MAP3K20: variants seen among roughly 807,000 people sequenced by gnomAD.
MAP3K20 encodes the protein HCCS-4.
Under a neutral mutation model 85.7 loss-of-function variants are expected in MAP3K20, and 40 were observed. The ratio of observed to expected loss-of-function variants is 0.47; its 90% CI spans 0.36 to 0.61. MAP3K20 has a LOEUF of 0.61. Ranked by LOEUF, MAP3K20 falls within the 20% of genes least tolerant of loss-of-function variation. The pLI is 0.00. For missense variants in MAP3K20, 817 were observed against 961.7 expected, an observed-to-expected ratio of 0.85 and a Z score of 1.99; for synonymous variants, 325 against 327.7, an observed-to-expected ratio of 0.99 and a Z score of 0.09.
chr2:173,087,486 T>C (rs1007090395), intron 1 of MAP3K20, among the ~76,000 whole-genome samples: 2 of 152,226 alleles, frequency 1.3e-5, no homozygotes, highest in Admixed American at 1.3e-4. Flanking sequence ...GAAACTTTCT[T>C]GGAATTAGAA....
intron 2 of MAP3K20, among the ~76,000 whole-genome samples, chr2:173,121,678 C>T (rs922291825): frequency 1.3e-5 from 2 of 152,126 alleles, no homozygotes; most frequent in Non-Finnish European, 2.9e-5. Flanking sequence ...TGAGCCACCG[C>T]GCCCGGCTGG....
intron 2 of MAP3K20, 61 bp downstream of exon 2, chr2:173,091,251 C>T: frequency 6.4e-7 from 1 of 1,559,738 alleles, no homozygotes; most frequent in Non-Finnish European, 8.7e-7. Context: ...CTTTTTCAAC[C>T]TCGAGTTAGA....
At chr2:173,216,237 G>A (rs1288324284) in intron 10 of MAP3K20, among the ~76,000 whole-genome samples, 1 of 152,212 alleles carries the variant, frequency 6.6e-6, no homozygotes, top group Non-Finnish European at 1.5e-5. Context: ...TCCACTTTCT[G>A]TGAAGAACAG....
chr2:173,156,256 A>G (rs1689465171), intron 2 of MAP3K20, among the ~76,000 whole-genome samples: 3 of 152,192 alleles, frequency 2.0e-5, no homozygotes, highest in Non-Finnish European at 4.4e-5. Flanking sequence ...ATAAAACTCT[A>G]TCTTGTTTAA....
At chr2:173,226,312 TTC>T (rs1340214360) in intron 11 of MAP3K20, 3 of 984,792 alleles carry the variant, frequency 3.0e-6, no homozygotes, top group Non-Finnish European at 3.6e-6. Flanking sequence ...TTAAAACTTA[TTC>T]TGAGTTAAAT....
chr2:173,108,374 G>A (rs1257448641), intron 2 of MAP3K20, among the ~76,000 whole-genome samples: 1 of 152,060 alleles, frequency 6.6e-6, no homozygotes, highest in South Asian at 2.1e-4. Context: ...CAGGTGATCC[G>A]CCCGCCTCGG....
At chr2:173,165,208 A>G (rs1270142807) in intron 2 of MAP3K20, among the ~76,000 whole-genome samples, 1 of 152,024 alleles carries the variant, frequency 6.6e-6, no homozygotes, top group African/African-American at 2.4e-5. Flanking sequence ...CAGGAGTTCG[A>G]GACCAGCCTG....
chr2:173,221,918 CTT>C lies in MAP3K20; in HGVS notation c.987+4669_987+4670del, dbSNP rs1227940030. 1.9e-5 allele frequency: 19 copies of C among 989,542 alleles called. No individual in the cohort carries two copies. In the South Asian group the frequency reaches 2.3e-4, roughly 12 times the overall value. The allele number at this position is 989,542 out of a possible 1,614,324, so 61.3% of individuals were successfully genotyped here. On this transcript the variant is annotated intron_variant, in intron 11 of 19. Transcript: ENST00000375213. The stretch of plus-strand genomic sequence containing the variant: ...AAAACTTACATTTTGAACAAACACT[CTT>C]AACTCCTAATTGTTCTTTGACACGT...
chr2:173,174,504 G>C (rs1690098110), intron 3 of MAP3K20, among the ~76,000 whole-genome samples: 1 of 152,168 alleles, frequency 6.6e-6, no homozygotes, highest in African/African-American at 2.4e-5. Context: ...GATGGTTTCA[G>C]TTTCATCCAT....
At chr2:173,182,153 G>A (rs1690350087) in intron 3 of MAP3K20, among the ~76,000 whole-genome samples, 1 of 152,124 alleles carries the variant, frequency 6.6e-6, no homozygotes, top group Non-Finnish European at 1.5e-5. Flanking sequence ...GTATGATTCT[G>A]TTTATATGAA....
chr2:173,239,556 T>C (rs779967397), intron 16 of MAP3K20, 60 bp downstream of exon 16: 33 of 1,485,428 alleles, frequency 2.2e-5, no homozygotes, highest in Non-Finnish European at 3.0e-5. Flanking sequence ...TTTTCTCTTC[T>C]GTAACTCCAT....
chr2:173,129,208 G>A (rs747363547), intron 2 of MAP3K20, among the ~76,000 whole-genome samples: 14 of 152,082 alleles, frequency 9.2e-5, no homozygotes, highest in South Asian at 2.1e-4. Flanking sequence ...GAGCCACCGC[G>A]CCCAGCCAAT....
chr2:173,174,569 T>G (rs933401514), intron 3 of MAP3K20, among the ~76,000 whole-genome samples: 1 of 152,142 alleles, frequency 6.6e-6, no homozygotes, highest in Admixed American at 6.5e-5. Context: ...GTATTCCATG[T>G]TGTATATGTG....
At chr2:173,093,152 G>A (rs1395083507) in intron 2 of MAP3K20, among the ~76,000 whole-genome samples, 1 of 152,152 alleles carries the variant, frequency 6.6e-6, no homozygotes, top group Non-Finnish European at 1.5e-5. Flanking sequence ...TTACTAGCAA[G>A]GAAATATACA....
intron 2 of MAP3K20, chr2:173,166,634 A>G (rs1422303074): frequency 1.3e-5 from 2 of 149,752 alleles, no homozygotes; most frequent in African/African-American, 4.9e-5. Context: ...AGTTTAAATT[A>G]ACGATTGTTA....
At chr2:173,170,140 G>A (rs1201779265) in intron 3 of MAP3K20, among the ~76,000 whole-genome samples, 2 of 152,176 alleles carry the variant, frequency 1.3e-5, no homozygotes, top group East Asian at 3.8e-4. Flanking sequence ...ACTCGCAGCT[G>A]CAATACCAAT....
intron 14 of MAP3K20, among the ~76,000 whole-genome samples, chr2:173,237,348 T>C (rs1684678449): frequency 6.6e-6 from 1 of 152,022 alleles, no homozygotes. Flanking sequence ...TTTTCCTTTG[T>C]GTTTGTCCCT....
At chr2:173,115,767 G>A (rs543525213) in intron 2 of MAP3K20, among the ~76,000 whole-genome samples, 16 of 152,194 alleles carry the variant, frequency 1.1e-4, no homozygotes, top group African/African-American at 3.9e-4. Flanking sequence ...GATGTGAACC[G>A]CCTATAGGTC....
At chr2:173,224,656 T>A in intron 11 of MAP3K20, 1 of 985,434 alleles carries the variant, frequency 1.0e-6, no homozygotes, top group Non-Finnish European at 1.2e-6. Context: ...CTCGTAGAAC[T>A]GGACTATTGA....
Sources: allele counts gnomAD v4.1 joint callset (sites outside exome capture counted in the v4.1 genomes callset), GRCh38; gene constraint gnomAD v4.1.1; transcripts MANE v1.5; gene names NCBI Gene and HGNC (gene_info 2026-07-23, HGNC 2026-07-21).